ASTN2: variants seen among roughly 807,000 people sequenced by gnomAD.
The protein encoded by ASTN2 is astrotactin-2.
In ASTN2, 54 loss-of-function variants were observed where a neutral mutation model predicts 139.8. The ratio of observed to expected loss-of-function variants is 0.39; its 90% confidence interval spans 0.31 to 0.48. ASTN2 has a LOEUF of 0.48. Ranked by LOEUF, ASTN2 falls within the 20% of genes least tolerant of loss-of-function variation. The pLI, the probability that ASTN2 is intolerant of heterozygous loss-of-function variation, is 0.95. For missense variants in ASTN2, 1,565 were observed against 1,725.1 expected (o/e 0.91, Z 1.64); for synonymous variants, 756 against 719.5 (o/e 1.05, Z -0.81).
chr9:117,307,548 A>G (rs1260550728), intron 1 of ASTN2, among the ~76,000 whole-genome samples: 1 of 152,210 alleles, frequency 6.6e-6, no homozygotes, highest in Non-Finnish European at 1.5e-5. Context: ...TCCCACATGC[A>G]TGCTCCTGTA....
At chr9:116,739,938 A>C (rs896923241) in intron 13 of ASTN2, among the ~76,000 whole-genome samples, 1 of 152,214 alleles carries the variant, frequency 6.6e-6, no homozygotes, top group Non-Finnish European at 1.5e-5. Context: ...TCAGGATCTA[A>C]AGCATATTGA....
chr9:117,328,909 T>C (rs1305306194), intron 1 of ASTN2, among the ~76,000 whole-genome samples: 1 of 152,140 alleles, frequency 6.6e-6, no homozygotes, highest in Non-Finnish European at 1.5e-5. Context: ...GTGGATGCCC[T>C]GTGGAGGTTA....
intron 6 of ASTN2, among the ~76,000 whole-genome samples, chr9:117,008,756 C>G (rs1837431147): frequency 6.6e-6 from 1 of 152,206 alleles, no homozygotes; most frequent in Non-Finnish European, 1.5e-5. Flanking sequence ...GATGTCTCCT[C>G]TGGAACAGGG....
At chr9:117,256,298 A>G (rs1833684772) in intron 2 of ASTN2, among the ~76,000 whole-genome samples, 1 of 152,074 alleles carries the variant, frequency 6.6e-6, no homozygotes, top group South Asian at 2.1e-4. Flanking sequence ...ACATACACTA[A>G]ATGCTGGAAT....
intron 1 of ASTN2, among the ~76,000 whole-genome samples, chr9:117,388,598 G>A (rs1265031094): frequency 1.3e-5 from 2 of 152,158 alleles, no homozygotes; most frequent in Non-Finnish European, 2.9e-5. Context: ...GGCTTCTATT[G>A]GTTGCAGACC....
At chr9:116,944,791 G>T (rs1835341361) in intron 10 of ASTN2, among the ~76,000 whole-genome samples, 1 of 152,064 alleles carries the variant, frequency 6.6e-6, no homozygotes, top group Non-Finnish European at 1.5e-5. Flanking sequence ...AGGATAGGGG[G>T]CAATGCTGGT....
intron 3 of ASTN2, among the ~76,000 whole-genome samples, chr9:117,185,100 A>C (rs1378057812): frequency 6.6e-6 from 1 of 152,134 alleles, no homozygotes. Flanking sequence ...ACTATCCATC[A>C]TCCCAGAAAG....
chr9:116,981,242 G>C (rs1836505270), intron 7 of ASTN2, among the ~76,000 whole-genome samples: 2 of 152,114 alleles, frequency 1.3e-5, no homozygotes, highest in South Asian at 4.1e-4. Context: ...TATAATGCCT[G>C]ATAAAGGGTA....
At chr9:117,180,863 G>A (rs1831046022) in intron 3 of ASTN2, 2 of 1,571,152 alleles carry the variant, frequency 1.3e-6, no homozygotes, top group African/African-American at 1.3e-5. Flanking sequence ...ATCTTCTGGT[G>A]GCCAGGAAAC....
At chr9:117,248,740 T>A (rs1200092992) in intron 2 of ASTN2, among the ~76,000 whole-genome samples, 1 of 152,208 alleles carries the variant, frequency 6.6e-6, no homozygotes, top group Non-Finnish European at 1.5e-5. Context: ...GGGTGGCATA[T>A]AGTGCAAACC....
intron 5 of ASTN2, among the ~76,000 whole-genome samples, chr9:117,071,295 T>A (rs1218733708): frequency 6.6e-6 from 1 of 150,938 alleles, no homozygotes; most frequent in Non-Finnish European, 1.5e-5. Context: ...GTGCCCCTGC[T>A]GGGGGGTGCC....
intron 13 of ASTN2, among the ~76,000 whole-genome samples, chr9:116,781,020 A>G (rs1001920291): frequency 1.3e-5 from 2 of 152,038 alleles, no homozygotes; most frequent in African/African-American, 4.8e-5. Flanking sequence ...TTGTATTTTT[A>G]GTAGAGACGG....
intron 13 of ASTN2, among the ~76,000 whole-genome samples, chr9:116,747,925 A>G (rs778114982): frequency 1.3e-5 from 2 of 152,264 alleles, no homozygotes; most frequent in East Asian, 1.9e-4. Context: ...CTAGAGGAAC[A>G]TTATCTTCTC....
chr9:117,074,732 T>G (rs955677090), intron 5 of ASTN2, among the ~76,000 whole-genome samples: 8 of 152,194 alleles, frequency 5.3e-5, no homozygotes, highest in African/African-American at 1.9e-4. Context: ...ATACAATACC[T>G]CTTTCAATCC....
chr9:116,877,084 C>A (rs185111790), intron 10 of ASTN2, among the ~76,000 whole-genome samples: 109 of 152,182 alleles, frequency 7.2e-4, no homozygotes, highest in Non-Finnish European at 7.4e-4. Context: ...TTTCACAAAT[C>A]GCACATTTAC....
rs755715762 is a variant in ASTN2 at position 116,976,685 on chromosome 9, G to T, written c.1676+16C>A. On this transcript the variant is annotated intron_variant, in intron 8 of 22. Coordinates refer to ENST00000313400, the MANE Select transcript of ASTN2 (RefSeq NM_001365068.1). ...GGTCCTGCACTGTCCTGGACCTGAT[G>T]CCCTTTGCCACTCACCCTTCACTCT... The T allele has an allele frequency of 3.7e-6, 6 of 1,613,208 alleles. No individual in the cohort carries two copies. Among genetic ancestry groups the T allele is most frequent in the Middle Eastern group, 1.7e-4 (1 of 6,052 alleles).
At chr9:116,962,083 C>G (rs1564361681) in intron 10 of ASTN2, among the ~76,000 whole-genome samples, 1 of 152,240 alleles carries the variant, frequency 6.6e-6, no homozygotes, top group Non-Finnish European at 1.5e-5. Context: ...GCCTGTACCA[C>G]TGATGGGATG....
At chr9:116,459,443 C>T (rs1295199153) in intron 20 of ASTN2, among the ~76,000 whole-genome samples, 4 of 151,886 alleles carry the variant, frequency 2.6e-5, no homozygotes, top group Non-Finnish European at 5.9e-5. Context: ...TTTTGTGCCT[C>T]AAAGAACACT....
intron 2 of ASTN2, among the ~76,000 whole-genome samples, chr9:117,276,323 C>T (rs553588764): frequency 2.1e-4 from 32 of 152,324 alleles, no homozygotes; most frequent in Admixed American, 2.0e-3. Context: ...TCCCGTCCAA[C>T]AGACTCTCCT....
Sources: allele counts gnomAD v4.1 joint callset (sites outside exome capture counted in the v4.1 genomes callset), GRCh38; gene constraint gnomAD v4.1.1; transcripts MANE v1.5; gene names NCBI Gene and HGNC (gene_info 2026-07-23, HGNC 2026-07-21).